CNIH3: variants seen among roughly 807,000 people sequenced by gnomAD.
The protein encoded by CNIH3 is cornichon family AMPA receptor auxiliary protein 3, also known as protein cornichon homolog 3.
A neutral mutation model predicts 24.1 loss-of-function variants in CNIH3; 14 were observed. The ratio of observed to expected loss-of-function variants is 0.58; its 90% CI spans 0.38 to 0.91. The LOEUF is 0.91. CNIH3 is among the 40% of genes least tolerant of loss of function. CNIH3 has a pLI of 0.00. For missense variants in CNIH3, 178 were observed against 196.8 expected (o/e 0.90, Z 0.57); for synonymous variants, 68 against 73.8 (o/e 0.92, Z 0.40).
At chr1:224,516,680 C>T (rs1260002752) in intron 1 of CNIH3, among the ~76,000 whole-genome samples, 3 of 152,248 alleles carry the variant, frequency 2.0e-5, no homozygotes, top group Non-Finnish European at 4.4e-5. Context: ...AGCCTGGCCC[C>T]TGCATGGGTC....
chr1:224,699,637 G>T (rs571189487), intron 3 of CNIH3, among the ~76,000 whole-genome samples: 7 of 152,248 alleles, frequency 4.6e-5, no homozygotes, highest in African/African-American at 1.7e-4. Flanking sequence ...GGGTCTATAG[G>T]GTAAATCCAT....
At chr1:224,714,191 C>T (rs1052237680) in intron 3 of CNIH3, among the ~76,000 whole-genome samples, 3 of 152,214 alleles carry the variant, frequency 2.0e-5, no homozygotes, top group African/African-American at 4.8e-5. Context: ...ACAAGGCCTG[C>T]GCTCCCTGAA....
At chr1:224,629,435 G>A (rs544705822) in intron 1 of CNIH3, among the ~76,000 whole-genome samples, 13 of 152,242 alleles carry the variant, frequency 8.5e-5, no homozygotes, top group African/African-American at 2.4e-4. Context: ...CATGGGCCAC[G>A]GCACTCATAT....
chr1:224,444,549 C>T (rs964714916), intron 1 of CNIH3, among the ~76,000 whole-genome samples: 7 of 151,882 alleles, frequency 4.6e-5, no homozygotes, highest in African/African-American at 1.7e-4. Context: ...GGGGTTTCAC[C>T]ATATTGGCCA....
chr1:224,550,791 G>C (rs2124965420), intron 3 of CNIH3, among the ~76,000 whole-genome samples: 1 of 152,086 alleles, frequency 6.6e-6, no homozygotes, highest in South Asian at 2.1e-4. Flanking sequence ...CCATGTTGGT[G>C]TGCTGCACCC....
chr1:224,476,149 T>C (rs1558092436), intron 1 of CNIH3, among the ~76,000 whole-genome samples: 2 of 152,156 alleles, frequency 1.3e-5, no homozygotes. Flanking sequence ...ATACTTAAAG[T>C]AGAAAACTGA....
chr1:224,736,657 A>G (rs942414580), intron 5 of CNIH3, among the ~76,000 whole-genome samples: 1 of 152,024 alleles, frequency 6.6e-6, no homozygotes, highest in Non-Finnish European at 1.5e-5. Context: ...CCTCCCCTTT[A>G]CATCCCCAGT....
At chr1:224,674,361 A>G (rs1406136761) in intron 1 of CNIH3, among the ~76,000 whole-genome samples, 1 of 141,248 alleles carries the variant, frequency 7.1e-6, no homozygotes, top group Non-Finnish European at 1.5e-5. Context: ...GACAAGTGAG[A>G]TAACTTTTAA....
At chr1:224,534,788 A>T (rs1679217073) in intron 2 of CNIH3, among the ~76,000 whole-genome samples, 1 of 152,174 alleles carries the variant, frequency 6.6e-6, no homozygotes, top group Admixed American at 6.5e-5. Context: ...AACTTGACAC[A>T]TTACTTTCCT....
intron 1 of CNIH3, among the ~76,000 whole-genome samples, chr1:224,469,655 G>T (rs1676289067): frequency 6.6e-6 from 1 of 152,120 alleles, no homozygotes; most frequent in Non-Finnish European, 1.5e-5. Flanking sequence ...CCACAGGCAT[G>T]TGCCATCATT....
chr1:224,596,197 G>A (rs1430628491), intron 3 of CNIH3, among the ~76,000 whole-genome samples: 2 of 152,176 alleles, frequency 1.3e-5, no homozygotes, highest in African/African-American at 4.8e-5. Flanking sequence ...CTCATTAGGG[G>A]CTAATGCAAT....
chr1:224,631,069 G>T (rs192915628), intron 1 of CNIH3, among the ~76,000 whole-genome samples: 1 of 152,242 alleles, frequency 6.6e-6, no homozygotes, highest in African/African-American at 2.4e-5. Context: ...TGAGGCAGGA[G>T]AATCACTTGA....
intron 1 of CNIH3, among the ~76,000 whole-genome samples, chr1:224,464,791 T>C: frequency 6.6e-6 from 1 of 152,288 alleles, no homozygotes; most frequent in East Asian, 1.9e-4. Flanking sequence ...TTTTAAAGAT[T>C]TTATTTCATT....
At chr1:224,688,797 C>CAT (rs1335545992) in intron 3 of CNIH3, among the ~76,000 whole-genome samples, 1 of 151,686 alleles carries the variant, frequency 6.6e-6, no homozygotes. Flanking sequence ...TGGTGGTGGG[C>CAT]GCCTGTAATC....
In CNIH3 at chr1:224,649,129, A is replaced by G. The variant is rs143909822; in HGVS notation, c.82-31829A>G. Among the ~76,000 whole-genome samples the G allele has an allele frequency of 2.2e-4, 33 of 152,336 alleles. 1 individual carries two copies. The South Asian group carries it at 6.0e-3, about 28-fold the overall frequency. On this transcript the variant is annotated intron_variant, in intron 1 of 5. Transcript: ENST00000272133. ...GAACCTGAGACTGTTACATCTGGAAAGTCCCTTCTGCCATATAAGGTGATT... is the reference window on the plus strand; with the variant it reads ...GAACCTGAGACTGTTACATCTGGAAGGTCCCTTCTGCCATATAAGGTGATT...
At chr1:224,475,776 A>G (rs1339948611) in intron 1 of CNIH3, among the ~76,000 whole-genome samples, 1 of 152,226 alleles carries the variant, frequency 6.6e-6, no homozygotes, top group Non-Finnish European at 1.5e-5. Flanking sequence ...AGTAAACTAG[A>G]CAAAGCCTCA....
chr1:224,511,454 C>T (rs180677452), upstream of CNIH3, among the ~76,000 whole-genome samples: 202 of 152,312 alleles, frequency 1.3e-3, no homozygotes, highest in African/African-American at 4.5e-3. Flanking sequence ...TAGTCAGACC[C>T]GCATGTGATC....
rs151088568 is a variant in CNIH3, at chr1:224,605,502, C to A, written n.402+39238C>A. On this transcript the variant is annotated intron_variant and non_coding_transcript_variant, in intron 3 of 7. Coordinates refer to the CNIH3 transcript ENST00000478120. ...TGTCCTTGTAAAACTAATGAAAGGC[C>A]ACCAAGTTAGGAGAATGAGAGAGGC... is the stretch of plus-strand genomic sequence containing the variant. Among the ~76,000 whole-genome samples, 7 of 152,284 alleles carry A rather than the reference C, an allele frequency of 4.6e-5. No homozygotes were observed. In the East Asian group the frequency reaches 1.2e-3, roughly 25 times the overall value.
At chr1:224,732,367 T>C (rs1009683684) in intron 4 of CNIH3, among the ~76,000 whole-genome samples, 24 of 152,214 alleles carry the variant, frequency 1.6e-4, no homozygotes, top group African/African-American at 5.8e-4. Context: ...AGGAAAAAGA[T>C]TCGGTTACAT....
Sources: gnomAD v4.1 joint callset for allele counts (sites outside exome capture counted in the v4.1 genomes callset) on GRCh38, gnomAD v4.1.1 for gene constraint, MANE v1.5 for transcripts, NCBI Gene and HGNC (gene_info 2026-07-23, HGNC 2026-07-21) for gene names.